The following SDK1 variants were observed in gnomAD, a reference collection of about 807,000 sequenced individuals.
SDK1 encodes sidekick cell adhesion molecule 1, also known as protein sidekick-1.
Under a neutral mutation model 245.5 loss-of-function variants are expected in SDK1, and 157 were observed. That is an observed-to-expected ratio of 0.64 (90% CI 0.56 to 0.73). SDK1 has a LOEUF of 0.73. SDK1 is among the 30% of genes least tolerant of loss of function. The pLI, the probability that SDK1 is intolerant of heterozygous loss-of-function variation, is 0.00. For missense variants in SDK1, 3,583 were observed against 3,002.3 expected, an observed-to-expected ratio of 1.19 and a Z score of -4.52; for synonymous variants, 1,647 against 1,278.5, an observed-to-expected ratio of 1.29 and a Z score of -6.15.
rs181732958 is a variant in SDK1 at position 3,425,692 on chromosome 7, T to C, written c.298+123808T>C. On this transcript the variant is annotated intron_variant, in intron 1 of 44. Transcript: ENST00000404826. ...ATTTGTTTAATTTTAAAGATTCTTA[T>C]GATAAAATGATCATTAATTAGGGAA... Among the ~76,000 whole-genome samples the C allele has an allele frequency of 5.7e-4, 87 of 152,334 alleles. 2 individuals are homozygous for C. The South Asian group carries it at 0.017, about 30-fold the overall frequency.
chr7:4,242,879 G>A (rs558358129), intron 43 of SDK1, among the ~76,000 whole-genome samples: 3 of 152,306 alleles, frequency 2.0e-5, no homozygotes, highest in Admixed American at 1.3e-4. Context: ...CACTCGGGTG[G>A]CGCCGAGGCA....
chr7:4,200,175 G>T (rs1480175463), intron 35 of SDK1, among the ~76,000 whole-genome samples: 2 of 152,062 alleles, frequency 1.3e-5, no homozygotes, highest in Non-Finnish European at 2.9e-5. Context: ...GCCAGGTCTG[G>T]GTGTGTGTAA....
intron 1 of SDK1, among the ~76,000 whole-genome samples, chr7:3,615,747 C>A (rs540976047): frequency 6.6e-6 from 1 of 151,610 alleles, no homozygotes; most frequent in Non-Finnish European, 1.5e-5. Context: ...TGCTTTAAAG[C>A]GGATCACTGC....
At chr7:4,024,942 G>A (rs544269818) in intron 17 of SDK1, among the ~76,000 whole-genome samples, 1 of 152,086 alleles carries the variant, frequency 6.6e-6, no homozygotes, top group Non-Finnish European at 1.5e-5. Flanking sequence ...TCACTCTGCC[G>A]CCGTAGAGGG....
intron 4 of SDK1, among the ~76,000 whole-genome samples, chr7:3,802,833 A>G (rs1779140314): frequency 6.6e-6 from 1 of 152,188 alleles, no homozygotes; most frequent in Non-Finnish European, 1.5e-5. Context: ...CAACAGAGGT[A>G]GCAGTTTAAC....
In SDK1 at chr7:4,208,285, G is replaced by A. The variant is rs759894038; in HGVS notation, c.5401G>A (p.Ala1801Thr). 17 of 1,611,492 alleles carry A rather than the reference G, an allele frequency of 1.1e-5. No individual in the cohort carries two copies. Among genetic ancestry groups the A allele is most frequent in the Admixed American group, 5.0e-5 (3 of 59,632 alleles). The part of the protein sequence containing the change: ...DPQQGRTHQA[A>T]PGAPSFLAFS... ...CCAGCAGGGGCGCACCCACCAGGCC[G>A]GTAGGAGGAAGGCGGGTTTCCTTTG... The change falls in exon 37 of 45, where the codon GCC (alanine) becomes ACC (threonine). Residue 1801 changes from alanine (A) to threonine (T), a missense_variant and splice_region_variant. By Grantham distance (58) the Ala-to-Thr change is moderately conservative. Coordinates refer to ENST00000404826, the MANE Select transcript of SDK1 (RefSeq NM_152744.4).
intron 39 of SDK1, 108 bp from the exon 40 acceptor site, chr7:4,221,131 C>T: frequency 1.5e-6 from 2 of 1,346,932 alleles, no homozygotes; most frequent in Middle Eastern, 2.5e-4. Context: ...CCTGCCCAGA[C>T]ACTCTGCAGC....
intron 5 of SDK1, among the ~76,000 whole-genome samples, chr7:3,861,148 G>C (rs956520721): frequency 6.6e-6 from 1 of 152,212 alleles, no homozygotes; most frequent in African/African-American, 2.4e-5. Flanking sequence ...ACGCGTAAGG[G>C]TGTTTGTCCT....
intron 1 of SDK1, among the ~76,000 whole-genome samples, chr7:3,392,416 T>A (rs938701870): frequency 6.6e-6 from 1 of 152,160 alleles, no homozygotes; most frequent in Non-Finnish European, 1.5e-5. Context: ...CTCCATTAGT[T>A]TTCTTTTATA....
At chr7:4,131,123 C>T (rs1784784248) in intron 27 of SDK1, among the ~76,000 whole-genome samples, 1 of 152,180 alleles carries the variant, frequency 6.6e-6, no homozygotes, top group African/African-American at 2.4e-5. Context: ...AAAACTATCT[C>T]CTGCTCCAGT....
intron 1 of SDK1, among the ~76,000 whole-genome samples, chr7:3,573,485 G>A (rs1319463769): frequency 4.6e-5 from 7 of 152,074 alleles, no homozygotes; most frequent in Admixed American, 4.6e-4. Flanking sequence ...CCCATCACAG[G>A]CTGAGGACAA....
chr7:3,474,742 G>T (rs528039107), intron 1 of SDK1, among the ~76,000 whole-genome samples: 42 of 152,258 alleles, frequency 2.8e-4, no homozygotes, highest in African/African-American at 1.0e-3. Context: ...CCAGGCTGCA[G>T]TGCAGTGGCA....
At chr7:4,142,837 A>G (rs1779668181) in intron 28 of SDK1, among the ~76,000 whole-genome samples, 1 of 152,242 alleles carries the variant, frequency 6.6e-6, no homozygotes, top group Non-Finnish European at 1.5e-5. Context: ...AGAAATCATA[A>G]CAATATTGAA....
chr7:3,970,884 G>A (rs966652952), intron 11 of SDK1, among the ~76,000 whole-genome samples: 2 of 152,228 alleles, frequency 1.3e-5, no homozygotes, highest in African/African-American at 4.8e-5. Flanking sequence ...AAGCAGAGCA[G>A]GTCCCCCTTA....
intron 4 of SDK1, among the ~76,000 whole-genome samples, chr7:3,817,446 G>A (rs145524253): frequency 1.3e-5 from 2 of 152,298 alleles, no homozygotes; most frequent in Non-Finnish European, 2.9e-5. Flanking sequence ...ACAGTTACTT[G>A]ATTCTGCTCC....
chr7:4,184,364 T>A (rs559862597), intron 35 of SDK1, among the ~76,000 whole-genome samples: 1 of 152,294 alleles, frequency 6.6e-6, no homozygotes, highest in South Asian at 2.1e-4. Context: ...GAGTCTGGCC[T>A]TGAGACCTTG....
At chr7:4,091,968 C>T (rs1781831998) in intron 22 of SDK1, among the ~76,000 whole-genome samples, 1 of 152,130 alleles carries the variant, frequency 6.6e-6, no homozygotes, top group African/African-American at 2.4e-5. Flanking sequence ...GACTCATCCC[C>T]CAGGAAAGAC....
At chr7:3,862,128 C>T (rs1402713531) in intron 5 of SDK1, among the ~76,000 whole-genome samples, 2 of 152,216 alleles carry the variant, frequency 1.3e-5, no homozygotes, top group African/African-American at 4.8e-5. Flanking sequence ...TGGACAGATC[C>T]ATCTACTTAC....
chr7:4,149,442 C>G lies in SDK1; in HGVS notation c.4604C>G (p.Ala1535Gly), dbSNP rs147063113. ...TACTCCTCGTCCATCAGCCATGAGG[C>G]GACAGCATGCGTCGTTGACAGGTAC... ...QTYSSSISHE[A>G]TACVVDRLRP... is the part of the protein sequence containing the mutation. The change falls in exon 30 of 45, where the codon GCG becomes GGG. Residue 1535 changes from alanine (A) to glycine (G), a missense_variant. Transcript: ENST00000404826. 32 of 1,550,254 alleles carry G rather than the reference C, an allele frequency of 2.1e-5. No homozygotes were observed. The highest frequency in any genetic ancestry group is 2.6e-5 in the Non-Finnish European group (30 of 1,149,604).
Sources: allele counts gnomAD v4.1 joint callset (sites outside exome capture counted in the v4.1 genomes callset), GRCh38; gene constraint gnomAD v4.1.1; transcripts MANE v1.5; gene names NCBI Gene and HGNC (gene_info 2026-07-23, HGNC 2026-07-21).